The following PCDHA6 variants were observed in gnomAD, a reference collection of about 807,000 sequenced individuals.
The protein encoded by PCDHA6 is protocadherin alpha 6, also known as protocadherin alpha-6.
PCDHA6 carries 55 observed loss-of-function variants against 60.3 expected under a neutral mutation model. The observed-to-expected ratio is 0.91, with a 90% CI of 0.73 to 1.14. PCDHA6 has a LOEUF of 1.14. PCDHA6 is among the 50% of genes most tolerant of loss of function. The pLI is 0.00. For missense variants in PCDHA6, 1,327 were observed against 1,256.5 expected, an observed-to-expected ratio of 1.06 and a Z score of -0.85; for synonymous variants, 652 against 557.9, an observed-to-expected ratio of 1.17 and a Z score of -2.38.
chr5:140,981,033 GA>G (rs148859655), intron 2 of PCDHA6, among the ~76,000 whole-genome samples: 2 of 151,612 alleles, frequency 1.3e-5, no homozygotes, highest in Admixed American at 6.6e-5. Flanking sequence ...AATATTTGGG[GA>G]AAAAAAACAG....
intron 1 of PCDHA6, among the ~76,000 whole-genome samples, chr5:140,965,496 AT>A (rs71766133): frequency 0.14 from 20,233 of 145,920 alleles, 1,374 homozygotes; most frequent in Middle Eastern, 0.21. Flanking sequence ...ATGACAGCAG[AT>A]TTTTTTTTTT....
At position 140,846,759 on chromosome 5, in the gene PCDHA6, C is replaced by T. The variant is rs1032895477; in HGVS notation, c.2394+16274C>T. Among the ~76,000 whole-genome samples the T allele has an allele frequency of 1.0e-4, 15 of 149,272 alleles. 2 individuals carry two copies. Among genetic ancestry groups the T allele is most frequent in the Admixed American group, 2.0e-4 (3 of 14,888 alleles). On this transcript the variant is annotated intron_variant, in intron 1 of 3. Transcript: ENST00000529310. Reference sequence around the variant, plus strand: ...TAGGACCCTTACAGATCTCTAACAGCATATCATCATGTCAGGAATTATTAC... The same window carrying T: ...TAGGACCCTTACAGATCTCTAACAGTATATCATCATGTCAGGAATTATTAC...
intron 1 of PCDHA6, among the ~76,000 whole-genome samples, chr5:140,961,208 A>T (rs1268712075): frequency 1.3e-5 from 2 of 152,164 alleles, no homozygotes; most frequent in African/African-American, 4.8e-5. Flanking sequence ...GTTGGTATTG[A>T]TGAAGAAACT....
chr5:141,007,437 A>G (rs913587541), intron 3 of PCDHA6, among the ~76,000 whole-genome samples: 2 of 150,734 alleles, frequency 1.3e-5, no homozygotes, highest in Non-Finnish European at 2.9e-5. Context: ...GCATGGTGGC[A>G]TGTGCCTGTA....
intron 3 of PCDHA6, among the ~76,000 whole-genome samples, chr5:141,008,087 A>G (rs1033572346): frequency 7.2e-5 from 11 of 152,172 alleles, no homozygotes; most frequent in African/African-American, 2.7e-4. Flanking sequence ...GTTATTCTAC[A>G]TGACAAAGAA....
chr5:140,894,096 C>T (rs1487747692), intron 1 of PCDHA6, among the ~76,000 whole-genome samples: 3 of 152,098 alleles, frequency 2.0e-5, no homozygotes, highest in African/African-American at 7.2e-5. Flanking sequence ...TCTTCTAGCT[C>T]CTGGTGTTGC....
At chr5:140,973,870 T>A (rs2153801427) in intron 1 of PCDHA6, among the ~76,000 whole-genome samples, 1 of 152,264 alleles carries the variant, frequency 6.6e-6, no homozygotes. Flanking sequence ...CAATGAGAGG[T>A]CAGAATAATG....
At chr5:140,841,468 G>T (rs1777250619) in intron 1 of PCDHA6, 7 of 1,612,868 alleles carry the variant, frequency 4.3e-6, no homozygotes, top group African/African-American at 1.3e-5. Context: ...GCCGGATCGC[G>T]CAGGACCTGG....
intron 1 of PCDHA6, among the ~76,000 whole-genome samples, chr5:140,893,362 C>T (rs782554595): frequency 6.6e-5 from 10 of 152,110 alleles, no homozygotes; most frequent in African/African-American, 9.7e-5. Flanking sequence ...TACATGCCCA[C>T]CAACAGCATT....
intron 1 of PCDHA6, among the ~76,000 whole-genome samples, chr5:140,845,780 T>C (rs1273116464): frequency 6.7e-6 from 1 of 149,642 alleles, no homozygotes; most frequent in Non-Finnish European, 1.5e-5. Context: ...TATAAATTAT[T>C]AATAATAAAC....
chr5:140,966,820 G>A, intron 1 of PCDHA6: 1 of 1,557,392 alleles, frequency 6.4e-7, no homozygotes, highest in Non-Finnish European at 8.7e-7. Context: ...GGCTCCGGCG[G>A]CCCATGCCCT....
intron 1 of PCDHA6, chr5:140,851,932 T>G: frequency 1.0e-6 from 1 of 965,638 alleles, no homozygotes; most frequent in Non-Finnish European, 1.3e-6. Context: ...TTTCCTGAAT[T>G]GTAGTATGTG....
intron 1 of PCDHA6, chr5:140,843,550 T>C (rs1554140221): frequency 6.3e-7 from 1 of 1,595,798 alleles, no homozygotes; most frequent in African/African-American, 1.3e-5. Flanking sequence ...TGTGCTCCAG[T>C]GCGGTGGGGA....
chr5:140,909,255 C>G (rs1583695279), intron 1 of PCDHA6, among the ~76,000 whole-genome samples: 1 of 152,210 alleles, frequency 6.6e-6, no homozygotes, highest in African/African-American at 2.4e-5. Context: ...GCTGGCCTTG[C>G]TGACTGAAGG....
chr5:140,948,318 A>G (rs1423632599), intron 1 of PCDHA6, among the ~76,000 whole-genome samples: 1 of 151,520 alleles, frequency 6.6e-6, no homozygotes, highest in Non-Finnish European at 1.5e-5. Flanking sequence ...TTGAGGGGTA[A>G]TGTTTTCATT....
At chr5:140,904,164 T>C (rs1475689291) in intron 1 of PCDHA6, among the ~76,000 whole-genome samples, 1 of 152,078 alleles carries the variant, frequency 6.6e-6, no homozygotes, top group Non-Finnish European at 1.5e-5. Flanking sequence ...CAGTTTGTAG[T>C]CTTTTATTCC....
chr5:140,980,216 G>A (rs1554241518), intron 2 of PCDHA6, among the ~76,000 whole-genome samples: 1 of 152,190 alleles, frequency 6.6e-6, no homozygotes, highest in African/African-American at 2.4e-5. Flanking sequence ...GCTTTTGCCT[G>A]CATCTGAGCT....
intron 1 of PCDHA6, among the ~76,000 whole-genome samples, chr5:140,906,354 A>C (rs552915845): frequency 3.8e-4 from 58 of 152,336 alleles, no homozygotes; most frequent in South Asian, 1.7e-3. Context: ...GAATGCACCA[A>C]TTCCCAACCC....
chr5:140,854,948 T>C (rs1417243571), intron 1 of PCDHA6, among the ~76,000 whole-genome samples: 4 of 150,034 alleles, frequency 2.7e-5, no homozygotes, highest in Middle Eastern at 3.5e-3. Flanking sequence ...AATAATAAAT[T>C]TCTTAATTAC....
Sources: gnomAD v4.1 joint callset for allele counts (sites outside exome capture counted in the v4.1 genomes callset) on GRCh38, gnomAD v4.1.1 for gene constraint, MANE v1.5 for transcripts, NCBI Gene and HGNC (gene_info 2026-07-23, HGNC 2026-07-21) for gene names.